The following ASPH variants were observed in gnomAD, a reference collection of about 807,000 sequenced individuals.
ASPH encodes aspartate beta-hydroxylase.
ASPH carries 100 observed loss-of-function variants against 118.4 expected under a neutral mutation model. The ratio of observed to expected loss-of-function variants is 0.84; its 90% CI spans 0.72 to 1.00. The LOEUF (loss-of-function observed/expected upper bound fraction) is 1.00. ASPH is among the 50% of genes least tolerant of loss of function. The pLI is 0.00. For missense variants in ASPH, 920 were observed against 919.5 expected (o/e 1.00, Z -0.01); for synonymous variants, 315 against 325.6 (o/e 0.97, Z 0.35).
chr8:61,545,896 C>T (rs1460718844), intron 21 of ASPH, among the ~76,000 whole-genome samples: 1 of 152,144 alleles, frequency 6.6e-6, no homozygotes, highest in African/African-American at 2.4e-5. Context: ...TAAATTGGCT[C>T]AATAAGACTG....
At chr8:61,570,442 T>C (rs1309751721) in intron 16 of ASPH, among the ~76,000 whole-genome samples, 1 of 152,142 alleles carries the variant, frequency 6.6e-6, no homozygotes, top group African/African-American at 2.4e-5. Context: ...GGAGGACAAA[T>C]GCCTACCAAG....
chr8:61,685,126 A>C (rs1829939360), intron 1 of ASPH, among the ~76,000 whole-genome samples: 1 of 152,044 alleles, frequency 6.6e-6, no homozygotes, highest in South Asian at 2.1e-4. Context: ...GGTGATCCTC[A>C]CGGTGTCCTG....
intron 1 of ASPH, chr8:61,684,404 T>C (rs1829575998): frequency 2.0e-6 from 1 of 500,060 alleles, no homozygotes; most frequent in Non-Finnish European, 3.4e-6. Context: ...GTGCAGGAAA[T>C]AAACTCCTGA....
intron 21 of ASPH, among the ~76,000 whole-genome samples, chr8:61,538,924 G>A (rs951530402): frequency 2.6e-5 from 4 of 152,200 alleles, no homozygotes; most frequent in African/African-American, 9.6e-5. Flanking sequence ...TGCAGAGTTA[G>A]ACAGCAGGAG....
At chr8:61,646,676 G>A in intron 6 of ASPH, 74 bp downstream of exon 6, 1 of 1,452,614 alleles carries the variant, frequency 6.9e-7, no homozygotes, top group East Asian at 2.4e-5. Context: ...TTTTAAAGGG[G>A]TTTAAGAAAA....
chr8:61,690,253 T>C (rs1186268278), intron 1 of ASPH, among the ~76,000 whole-genome samples: 1 of 152,158 alleles, frequency 6.6e-6, no homozygotes. Context: ...AGTAAGAAAT[T>C]AATCAATGCT....
In ASPH at chr8:61,551,939, T is replaced by C. The variant is rs545712909; in HGVS notation, c.1626+1092A>G. 5.9e-5 allele frequency among the ~76,000 whole-genome samples: 9 copies of C among 152,312 alleles called. No individual in the cohort carries two copies. The South Asian group carries it at 1.7e-3, about 28-fold the overall frequency. ...TTAGAGGGGGAAAGGTACAGATAAATAGACATGTATAAATCAAAAATTGTC... is the reference window on the plus strand; with the variant it reads ...TTAGAGGGGGAAAGGTACAGATAAACAGACATGTATAAATCAAAAATTGTC... On this transcript the variant is annotated intron_variant, in intron 20 of 24. Transcript: ENST00000379454.
chr8:61,566,433 TC>T (rs747620484), intron 17 of ASPH, among the ~76,000 whole-genome samples: 72 of 152,376 alleles, frequency 4.7e-4, no homozygotes, highest in Admixed American at 1.1e-3. Flanking sequence ...CTGAATGTAC[TC>T]CTGGTGAAGA....
intron 14 of ASPH, among the ~76,000 whole-genome samples, chr8:61,609,405 C>T (rs1052178966): frequency 1.3e-5 from 2 of 152,020 alleles, no homozygotes; most frequent in Non-Finnish European, 2.9e-5. Flanking sequence ...GATGCCTAAT[C>T]TTCATTCCAT....
intron 1 of ASPH, among the ~76,000 whole-genome samples, chr8:61,687,986 C>T (rs537366848): frequency 9.1e-4 from 139 of 152,124 alleles, no homozygotes; most frequent in African/African-American, 2.9e-3. Flanking sequence ...CAGTTTTTAT[C>T]GACAGCAAAC....
At chr8:61,621,772 T>C (rs1245354983) in intron 13 of ASPH, among the ~76,000 whole-genome samples, 1 of 152,228 alleles carries the variant, frequency 6.6e-6, no homozygotes, top group East Asian at 1.9e-4. Context: ...ACACTCTATA[T>C]CCCAGTAATG....
intron 21 of ASPH, among the ~76,000 whole-genome samples, chr8:61,544,384 T>C (rs1823041808): frequency 6.6e-6 from 1 of 152,244 alleles, no homozygotes; most frequent in Non-Finnish European, 1.5e-5. Context: ...TTCTGCCTCA[T>C]TACACAATGT....
chr8:61,510,136 C>T (rs1808246188), intron 24 of ASPH, among the ~76,000 whole-genome samples: 1 of 152,192 alleles, frequency 6.6e-6, no homozygotes, highest in South Asian at 2.1e-4. Context: ...TACCACACAA[C>T]ACTTTATAAA....
chr8:61,664,797 C>T (rs1466832361), intron 3 of ASPH: 14 of 986,272 alleles, frequency 1.4e-5, no homozygotes, highest in Non-Finnish European at 1.3e-5. Flanking sequence ...GAGGTGTCCA[C>T]GAAAGAGAAA....
chr8:61,529,721 T>G (rs915216329), intron 21 of ASPH, among the ~76,000 whole-genome samples: 1 of 152,200 alleles, frequency 6.6e-6, no homozygotes, highest in Non-Finnish European at 1.5e-5. Context: ...AGATATTTAT[T>G]TCCCACAGTT....
At chr8:61,558,660 T>G (rs1027774602) in intron 18 of ASPH, among the ~76,000 whole-genome samples, 2 of 152,240 alleles carry the variant, frequency 1.3e-5, no homozygotes, top group African/African-American at 4.8e-5. Flanking sequence ...CAGCTGACAG[T>G]GCTGCCCTCC....
rs764919786 is a variant in ASPH at position 61,646,732 on chromosome 8, G to GA, written c.619+17dup. ...TTGATTATATTTTATCCTAAAACTT[G>GA]AAAAAAAAGTGTTCTACCTTCATGA... is the stretch of plus-strand genomic sequence containing the variant. On this transcript the variant is annotated intron_variant, in intron 6 of 24. Coordinates refer to ENST00000379454, the MANE Select transcript of ASPH (RefSeq NM_004318.4). 46 of 1,598,290 alleles carry GA rather than the reference G, an allele frequency of 2.9e-5. No individual in the cohort carries two copies. Among genetic ancestry groups the GA allele is most frequent in the South Asian group, 1.0e-4 (9 of 87,618 alleles).
chr8:61,669,576 C>G (rs1052797722), intron 3 of ASPH, among the ~76,000 whole-genome samples: 3 of 152,178 alleles, frequency 2.0e-5, no homozygotes, highest in Non-Finnish European at 4.4e-5. Flanking sequence ...TTTCCAATCA[C>G]TCTCCACTAA....
At chr8:61,537,300 C>G (rs1414341945) in intron 21 of ASPH, among the ~76,000 whole-genome samples, 1 of 152,200 alleles carries the variant, frequency 6.6e-6, no homozygotes, top group Non-Finnish European at 1.5e-5. Context: ...GCAGCTGAAA[C>G]TTTATGTGTA....
Sources: gnomAD v4.1 joint callset for allele counts (sites outside exome capture counted in the v4.1 genomes callset) on GRCh38, gnomAD v4.1.1 for gene constraint, MANE v1.5 for transcripts, NCBI Gene and HGNC (gene_info 2026-07-23, HGNC 2026-07-21) for gene names.